Variants in TENM3 observed in about 807,000 individuals in gnomAD.
TENM3 encodes teneurin transmembrane protein 3, also known as teneurin-3.
A neutral mutation model predicts 255.1 loss-of-function variants in TENM3; 63 were observed. The ratio of observed to expected loss-of-function variants is 0.25; its 90% CI spans 0.20 to 0.30. The LOEUF is 0.30. Ranked by LOEUF, TENM3 falls within the 10% of genes least tolerant of loss-of-function variation. The pLI is 1.00. For synonymous variants in TENM3, 1,306 were observed against 1,322.3 expected (o/e 0.99, Z 0.27); for missense variants, 2,929 against 3,461.1 (o/e 0.85, Z 3.86).
the TENM3 span, among the ~76,000 whole-genome samples, chr4:181,565,624 C>G: frequency 6.6e-6 from 1 of 152,152 alleles, no homozygotes; most frequent in Non-Finnish European, 1.5e-5. Context: ...TAGAGAGAAA[C>G]AGCTGAGCTA....
chr4:182,174,176 T>C (rs1330725985), intron 1 of TENM3, among the ~76,000 whole-genome samples: 2 of 152,164 alleles, frequency 1.3e-5, no homozygotes, highest in African/African-American at 4.8e-5. Flanking sequence ...GGGAAATTTC[T>C]CTTTATCCAT....
At chr4:182,243,297 T>A (rs1406104213), upstream of TENM3, 1 of 152,310 alleles carries the variant, frequency 6.6e-6, no homozygotes, top group Non-Finnish European at 1.5e-5. Flanking sequence ...GTATTTTTAG[T>A]AGAGGCGGGG....
At chr4:181,754,349 A>G in the TENM3 span, among the ~76,000 whole-genome samples, 1 of 151,008 alleles carries the variant, frequency 6.6e-6, no homozygotes, top group Non-Finnish European at 1.5e-5. Context: ...TTGCTCTTAA[A>G]TTGCTTATAA....
chr4:181,640,247 A>C, the TENM3 span, among the ~76,000 whole-genome samples: 1 of 152,216 alleles, frequency 6.6e-6, no homozygotes, highest in Admixed American at 6.5e-5. Flanking sequence ...AGAATGCAGT[A>C]ATCTGTGCAT....
intron 3 of TENM3, among the ~76,000 whole-genome samples, chr4:182,439,013 G>A (rs1340574686): frequency 6.6e-6 from 1 of 152,190 alleles, no homozygotes; most frequent in East Asian, 1.9e-4. Context: ...GTGGACACTT[G>A]CCTTTGTGGT....
At chr4:182,647,781 A>AT (rs376410634) in intron 5 of TENM3, among the ~76,000 whole-genome samples, 358 of 152,170 alleles carry the variant, frequency 2.4e-3, no homozygotes, top group African/African-American at 8.1e-3. Context: ...TCTATATTTA[A>AT]TTTTTTTGTG....
At chr4:182,238,429 C>T (rs1207964112), upstream of TENM3, among the ~76,000 whole-genome samples, 4 of 152,168 alleles carry the variant, frequency 2.6e-5, no homozygotes, top group South Asian at 2.1e-4. Flanking sequence ...CCAAATGCAA[C>T]GCCCAGGGGA....
the TENM3 span, among the ~76,000 whole-genome samples, chr4:181,679,516 A>C: frequency 1.3e-5 from 2 of 152,144 alleles, no homozygotes; most frequent in Admixed American, 6.6e-5. Flanking sequence ...AAACAAGCAA[A>C]ATATATGTTG....
intron 3 of TENM3, among the ~76,000 whole-genome samples, chr4:182,574,725 C>G (rs555164586): frequency 5.3e-5 from 8 of 152,222 alleles, no homozygotes; most frequent in African/African-American, 1.9e-4. Flanking sequence ...ACTATTGTCT[C>G]AAACTCTCCC....
chr4:182,567,794 T>C (rs1743941440), intron 3 of TENM3, among the ~76,000 whole-genome samples: 1 of 149,854 alleles, frequency 6.7e-6, no homozygotes, highest in Non-Finnish European at 1.5e-5. Context: ...CCATATAATT[T>C]ACTTTGTAAT....
the TENM3 span, among the ~76,000 whole-genome samples, chr4:181,823,193 A>G: frequency 6.6e-6 from 1 of 152,216 alleles, no homozygotes; most frequent in African/African-American, 2.4e-5. Context: ...TTGGTAACAG[A>G]TTATTCAACA....
chr4:182,600,338 CCTT>C (rs1373953133), intron 3 of TENM3, among the ~76,000 whole-genome samples: 1 of 152,146 alleles, frequency 6.6e-6, no homozygotes, highest in East Asian at 1.9e-4. Context: ...CACAGAGTGA[CCTT>C]CTGCTAAAGA....
chr4:182,590,550 A>AAAG (rs1438286025), intron 3 of TENM3, among the ~76,000 whole-genome samples: 1 of 148,864 alleles, frequency 6.7e-6, no homozygotes, highest in East Asian at 2.0e-4. Context: ...AAAAAAAAAA[A>AAAG]AAAAAAAAAA....
the TENM3 span, among the ~76,000 whole-genome samples, chr4:181,944,835 C>T: frequency 6.6e-6 from 1 of 152,034 alleles, no homozygotes; most frequent in Non-Finnish European, 1.5e-5. Flanking sequence ...GCCACCACAC[C>T]CCTGCAGCAC....
chr4:182,477,768 T>C (rs1436160172), intron 3 of TENM3, among the ~76,000 whole-genome samples: 2 of 152,236 alleles, frequency 1.3e-5, no homozygotes, highest in African/African-American at 4.8e-5. Flanking sequence ...CAGCAGTTCA[T>C]CTACTTTATT....
chr4:182,779,819 G>A lies in TENM3; in HGVS notation c.5304+4666G>A, dbSNP rs530065685. Among the ~76,000 whole-genome samples the A allele has an allele frequency of 3.3e-5, 5 of 152,312 alleles. No individual in the cohort carries two copies. The East Asian group carries it at 7.7e-4, about 23-fold the overall frequency. ...TTTCTCTGATGTCCAGTGATGATGA[G>A]CATTTTTTCATGTGTTTTTTGGCTG... On this transcript the variant is annotated intron_variant, in intron 24 of 27. Coordinates refer to ENST00000511685, the MANE Select transcript of TENM3 (RefSeq NM_001080477.4).
chr4:181,736,849 T>A, the TENM3 span, among the ~76,000 whole-genome samples: 2 of 151,860 alleles, frequency 1.3e-5, no homozygotes, highest in Admixed American at 1.3e-4. Flanking sequence ...CCCACTGAAA[T>A]CTTAGGGGAA....
At chr4:182,563,775 C>G (rs561883936) in intron 3 of TENM3, among the ~76,000 whole-genome samples, 176 of 152,244 alleles carry the variant, frequency 1.2e-3, no homozygotes, top group African/African-American at 4.1e-3. Context: ...AAGGAATACA[C>G]TAGGAAAAAA....
the TENM3 span, among the ~76,000 whole-genome samples, chr4:181,661,993 A>G: frequency 7.2e-5 from 11 of 152,210 alleles, no homozygotes; most frequent in African/African-American, 2.6e-4. Flanking sequence ...ACAGACTCCA[A>G]TTGTTTCAAA....
Sources: gnomAD v4.1 joint callset for allele counts (sites outside exome capture counted in the v4.1 genomes callset) on GRCh38, gnomAD v4.1.1 for gene constraint, MANE v1.5 for transcripts, NCBI Gene and HGNC (gene_info 2026-07-23, HGNC 2026-07-21) for gene names.